The following ZNF226 variants were observed in gnomAD, a reference collection of about 807,000 sequenced individuals.
ZNF226 encodes the protein zinc finger protein 226, also known as Kruppel-associated box protein.
Under a neutral mutation model 11.4 loss-of-function variants are expected in ZNF226, and 6 were observed. That is an observed-to-expected ratio of 0.53 (90% CI 0.29 to 1.04). The LOEUF (loss-of-function observed/expected upper bound fraction) is 1.04. ZNF226 is among the 50% of genes least tolerant of loss of function. The probability of loss-of-function intolerance (pLI) is 0.08; values close to 1 mark genes in which losing one functional copy is unlikely to be tolerated. For synonymous variants in ZNF226, 350 were observed against 322.8 expected (o/e 1.08, Z -0.90); for missense variants, 1,058 against 956.5 (o/e 1.11, Z -1.40).
intron 5 of ZNF226, 185 bp downstream of exon 5, chr19:44,173,137 T>C: frequency 1.7e-6 from 1 of 593,420 alleles, no homozygotes. Context: ...AGTGGCAAAG[T>C]GAGTTTTTGT....
rs566372547 is a variant in ZNF226 at position 44,172,126 on chromosome 19, G to A, written c.54G>A (p.Thr18=). 11 of 1,613,112 alleles carry A rather than the reference G, an allele frequency of 6.8e-6. No homozygotes were observed. The highest frequency in any genetic ancestry group is 2.7e-5 in the African/African-American group (2 of 75,020). Residue 18 remains threonine (T), a synonymous_variant, in exon 4 of 6, where the codon ACG becomes ACA. Coordinates refer to ENST00000337433, the MANE Select transcript of ZNF226 (RefSeq NM_001032373.2). Reference sequence around the variant, plus strand: ...TCAAGGACGTGGCTGTGGCCTTCACGGAGGAGGAATTGGGGCTGCTGGGCC... The same window carrying A: ...TCAAGGACGTGGCTGTGGCCTTCACAGAGGAGGAATTGGGGCTGCTGGGCC... The part of the protein sequence containing the change: ...VTFKDVAVAF[T]EEELGLLGPA...
At chr19:44,177,756 C>G (rs1763528853), downstream of ZNF226, 2 of 1,413,342 alleles carry the variant, frequency 1.4e-6, no homozygotes, top group Non-Finnish European at 9.4e-7. Context: ...CTCCTCATGT[C>G]CCAGTGGTCC....
At chr19:44,193,692 T>A in the ZNF226 span, among the ~76,000 whole-genome samples, 1 of 152,186 alleles carries the variant, frequency 6.6e-6, no homozygotes, top group African/African-American at 2.4e-5. Flanking sequence ...AGTTAGCAGA[T>A]TCAGAGCGAG....
At position 44,172,934 on chromosome 19, in the gene ZNF226, C is replaced by T. The variant is rs367571534; in HGVS notation, c.217C>T (p.Arg73Ter). 1.1e-5 allele frequency: 18 copies of T among 1,601,512 alleles called. No individual in the cohort carries two copies. Among genetic ancestry groups the T allele is most frequent in the South Asian group, 2.3e-5 (2 of 88,314 alleles). The stretch of plus-strand genomic sequence containing the variant: ...GCTTTGGATAATGACGACAGCAACC[C>T]GAAGACAGGGAAATTTAGGTAAAAA... The part of the protein sequence containing the change: ...EQLWIMTTAT[R>*]RQGNLGEKNQ... The change falls in exon 5 of 6, where the codon CGA becomes TGA. Residue 73 changes from arginine (R) to a stop codon, truncating the protein, a stop_gained. Coordinates refer to ENST00000337433, the MANE Select transcript of ZNF226 (RefSeq NM_001032373.2). LOFTEE classifies it low-confidence loss of function (END_TRUNC).
chr19:44,170,603 A>G (rs1213273151), intron 3 of ZNF226, among the ~76,000 whole-genome samples: 4 of 152,156 alleles, frequency 2.6e-5, no homozygotes, highest in Non-Finnish European at 5.9e-5. Context: ...GCGTGGTTGC[A>G]GGCACCTGTA....
chr19:44,184,117 C>A, the ZNF226 span, among the ~76,000 whole-genome samples: 2 of 152,130 alleles, frequency 1.3e-5, no homozygotes, highest in African/African-American at 4.8e-5. Context: ...ATCTGCAATG[C>A]CTAAAATATT....
At chr19:44,177,757 C>A, downstream of ZNF226, 1 of 1,411,698 alleles carries the variant, frequency 7.1e-7, no homozygotes, top group East Asian at 2.4e-5. Flanking sequence ...TCCTCATGTC[C>A]CAGTGGTCCA....
rs1346291579 is a variant in ZNF226 at position 44,176,811 on chromosome 19, C to G, written c.1549C>G (p.His517Asp). 10 of 1,612,192 alleles carry G rather than the reference C, an allele frequency of 6.2e-6. No homozygotes were observed. The highest frequency in any genetic ancestry group is 8.5e-6 in the Non-Finnish European group (10 of 1,179,532). The change falls in exon 6 of 6, where the codon CAT (histidine) becomes GAT (aspartate). Residue 517 changes from histidine to aspartate, a missense_variant. Physicochemically the swap from His to Asp is moderately conservative, Grantham distance 81 (BLOSUM62 -1). Coordinates refer to ENST00000337433, the MANE Select transcript of ZNF226 (RefSeq NM_001032373.2). ...TGGGAAGAGCTTCAGGAGGAATTCCCATTATCAAGTTCATCTAGTGGTCCA... is the reference window on the plus strand; with the variant it reads ...TGGGAAGAGCTTCAGGAGGAATTCCGATTATCAAGTTCATCTAGTGGTCCA... Reference protein sequence around the residue: ...ECGKSFRRNSHYQVHLVVHTG... With the variant: ...ECGKSFRRNSDYQVHLVVHTG...
the ZNF226 span, among the ~76,000 whole-genome samples, chr19:44,186,216 T>TG: frequency 6.6e-6 from 1 of 151,944 alleles, no homozygotes; most frequent in South Asian, 2.1e-4. Context: ...ATTTTAGAAT[T>TG]TTTTTTTCCT....
chr19:44,172,315 A>G, intron 4 of ZNF226, 101 bp downstream of exon 4: 1 of 1,467,204 alleles, frequency 6.8e-7, no homozygotes. Flanking sequence ...GACTTTCCTA[A>G]TTTTTGTGGG....
intron 2 of ZNF226, among the ~76,000 whole-genome samples, chr19:44,167,457 T>G (rs2122247239): frequency 6.6e-6 from 1 of 151,734 alleles, no homozygotes; most frequent in Admixed American, 6.6e-5. Flanking sequence ...CATCTGAGAT[T>G]ACAGGCACCC....
chr19:44,169,264 T>A (rs78187790), intron 2 of ZNF226, among the ~76,000 whole-genome samples: 6,541 of 152,214 alleles, frequency 0.043, 207 homozygotes, highest in Non-Finnish European at 0.068. Context: ...TGTCTTGGTT[T>A]CCCAAAGTGC....
the ZNF226 span, among the ~76,000 whole-genome samples, chr19:44,189,350 G>A: frequency 3.9e-5 from 6 of 152,224 alleles, no homozygotes; most frequent in Admixed American, 1.3e-4. Context: ...TTGGGAATTA[G>A]GTGAGACCTA....
chr19:44,173,052 T>A, intron 5 of ZNF226, 100 bp downstream of exon 5: 1 of 1,087,444 alleles, frequency 9.2e-7, no homozygotes. Context: ...GCCAACTGTC[T>A]TTCCTGGATT....
chr19:44,180,866 C>A (rs188148046), downstream of ZNF226, among the ~76,000 whole-genome samples: 954 of 152,278 alleles, frequency 6.3e-3, 5 homozygotes, highest in Non-Finnish European at 0.01. Flanking sequence ...CATATCTGCC[C>A]TTCTGGTTAA....
intron 4 of ZNF226, 96 bp from the exon 5 acceptor site, chr19:44,172,764 C>G: frequency 1.1e-6 from 1 of 943,868 alleles, no homozygotes; most frequent in Non-Finnish European, 1.6e-6. Flanking sequence ...AAAAACACTG[C>G]TTTCAGTGTC....
chr19:44,173,376 G>A, intron 5 of ZNF226: 1 of 246,436 alleles, frequency 4.1e-6, no homozygotes, highest in Non-Finnish European at 7.7e-6. Context: ...ACAACCCTGT[G>A]TGTTCTTCCC....
chr19:44,175,900 A>G lies in ZNF226; in HGVS notation c.638A>G (p.Asp213Gly), dbSNP rs376708787. 8 of 1,612,926 alleles carry G rather than the reference A, an allele frequency of 5.0e-6. No individual in the cohort carries two copies. The highest frequency in any genetic ancestry group is 1.1e-5 in the South Asian group (1 of 90,850). ...CCCATCGGTTGGATTTCACATCATG[A>G]TGGTCATAGAGTACACAAAAGTGAA... is the stretch of plus-strand genomic sequence containing the variant. ...VDPIGWISHH[D>G]GHRVHKSEKS... The change falls in exon 6 of 6, where the codon GAT (aspartate) becomes GGT (glycine). Residue 213 changes from aspartate (D) to glycine (G), a missense_variant. By Grantham distance (94) the Asp-to-Gly change is moderately conservative. Transcript: ENST00000337433.
At position 44,175,710 on chromosome 19, in the gene ZNF226, GTAAA is replaced by G. The variant is rs866071921; in HGVS notation, c.453_456del (p.Asn151LysfsTer16). ...AATTTCTGAAGATGAGAACTATATA[GTAAA>G]TAAAGCAGATGGTCCCAATAATACT... On this transcript the variant is annotated frameshift_variant, in exon 6 of 6. Transcript: ENST00000337433. LOFTEE classifies it low-confidence loss of function (END_TRUNC). 1 of 1,612,528 alleles carries G rather than the reference GTAAA, an allele frequency of 6.2e-7. No individual in the cohort carries two copies. The highest frequency in any genetic ancestry group is 1.3e-5 in the African/African-American group (1 of 74,908).
Sources: allele counts gnomAD v4.1 joint callset (sites outside exome capture counted in the v4.1 genomes callset), GRCh38; gene constraint gnomAD v4.1.1; transcripts MANE v1.5; gene names NCBI Gene and HGNC (gene_info 2026-07-23, HGNC 2026-07-21).